The following FBXO8 variants were observed in gnomAD, a reference collection of about 807,000 sequenced individuals.
FBXO8 encodes F-box protein 8, also known as F-box only protein 8.
Under a neutral mutation model 33.4 loss-of-function variants are expected in FBXO8, and 15 were observed. The observed-to-expected ratio is 0.45, with a 90% CI of 0.30 to 0.69. The LOEUF is 0.69. FBXO8 is among the 30% of genes least tolerant of loss of function. The pLI, the probability that FBXO8 is intolerant of heterozygous loss-of-function variation, is 0.08. For synonymous variants in FBXO8, 132 were observed against 131.5 expected (o/e 1.00, Z -0.02); for missense variants, 274 against 380.3 (o/e 0.72, Z 2.32).
rs1181781469 is a variant in FBXO8, at chr4:174,253,208, G to C, written c.456+6491C>G. Reference sequence around the variant, plus strand: ...TATAAGCCTTGGCCATGTAGGCCCAGTGTGATTTTTAAAAAATTACTTTTA... The same window carrying C: ...TATAAGCCTTGGCCATGTAGGCCCACTGTGATTTTTAAAAAATTACTTTTA... On this transcript the variant is annotated intron_variant, in intron 3 of 5. Coordinates refer to ENST00000393674, the MANE Select transcript of FBXO8 (RefSeq NM_012180.3). This position sits in a 1 kb window ranked among gnomAD's most constrained non-coding sequence, Gnocchi z 4.5. Among the ~76,000 whole-genome samples the C allele has an allele frequency of 6.6e-6, 1 of 152,152 alleles. No individual in the cohort carries two copies. Among genetic ancestry groups the C allele is most frequent in the Admixed American group, 6.5e-5 (1 of 15,274 alleles).
rs1735963154 is a variant in FBXO8 at position 174,238,977 on chromosome 4, A to G, written c.772+17T>C. 1 of 1,436,496 alleles carries G rather than the reference A, an allele frequency of 7.0e-7. No homozygotes were observed. The highest frequency in any genetic ancestry group is 1.5e-5 in the African/African-American group (1 of 68,750). The allele number at this position is 1,436,496 out of a possible 1,614,324, so 89.0% of individuals were successfully genotyped here. A position where few individuals can be genotyped will look rare whatever the true frequency, so the allele number is the denominator to read the frequency against. ...GATGGGCAGGGGGTGATGTACTATT[A>G]ATATATATATTCTTACCAGGACTAA... On this transcript the variant is annotated intron_variant, in intron 5 of 5. Coordinates refer to ENST00000393674, the MANE Select transcript of FBXO8 (RefSeq NM_012180.3).
At chr4:174,279,869 T>G (rs1737038988) in intron 1 of FBXO8, among the ~76,000 whole-genome samples, 1 of 151,890 alleles carries the variant, frequency 6.6e-6, no homozygotes, top group Non-Finnish European at 1.5e-5. Flanking sequence ...AAGACTTAAA[T>G]CTAAGACATA....
chr4:174,282,414 C>T (rs1483297311), intron 1 of FBXO8, among the ~76,000 whole-genome samples: 1 of 151,816 alleles, frequency 6.6e-6, no homozygotes, highest in East Asian at 1.9e-4. Context: ...AATTTGTTAC[C>T]CAGCAATAGA....
rs1736287053 is a variant in FBXO8 at position 174,251,661 on chromosome 4, C to T, written c.456+8038G>A. 6.6e-6 allele frequency among the ~76,000 whole-genome samples: 1 copy of T among 152,126 alleles called. No individual in the cohort carries two copies. The highest frequency in any genetic ancestry group is 2.1e-4 in the South Asian group (1 of 4,822). On this transcript the variant is annotated intron_variant, in intron 3 of 5. Coordinates refer to ENST00000393674, the MANE Select transcript of FBXO8 (RefSeq NM_012180.3). The surrounding 1 kb of genome is among the most constrained non-coding windows in gnomAD (Gnocchi z 4.2). ...ATTACTCTCAAAAAAAAGAAAATCA[C>T]CTCCAGTTTAGCACCATTTGACTAA...
In FBXO8 at chr4:174,270,273, T is replaced by C. The variant is rs1736807401; in HGVS notation, c.-8-7173A>G. Among the ~76,000 whole-genome samples the C allele has an allele frequency of 6.6e-6, 1 of 152,242 alleles. No homozygotes were observed. The highest frequency in any genetic ancestry group is 1.5e-5 in the Non-Finnish European group (1 of 68,044). On this transcript the variant is annotated intron_variant, in intron 1 of 5. Coordinates refer to ENST00000393674, the MANE Select transcript of FBXO8 (RefSeq NM_012180.3). This position sits in a 1 kb window ranked among gnomAD's most constrained non-coding sequence, Gnocchi z 4.6. The stretch of plus-strand genomic sequence containing the variant: ...ACTTAACTTTCTGTTCCTAAAGTCC[T>C]ATGCTGCTGTGGCACAGTAGCTGGG...
chr4:174,269,452 G>A (rs571323505), intron 1 of FBXO8, among the ~76,000 whole-genome samples: 45 of 152,154 alleles, frequency 3.0e-4, no homozygotes, highest in Non-Finnish European at 4.9e-4. Flanking sequence ...TTGGGAGGCC[G>A]AGGCGGGCAG....
rs190270884 is a variant in FBXO8 at position 174,267,126 on chromosome 4, C to T, written c.-8-4026G>A. On this transcript the variant is annotated intron_variant, in intron 1 of 5. Transcript: ENST00000393674. The surrounding 1 kb of genome is among the most constrained non-coding windows in gnomAD (Gnocchi z 4.7). ...TTTTATATCAATGACCCAGCAACAA[C>T]AACAAAAAACTCTAGAAAACAAAAA... Among the ~76,000 whole-genome samples, 117 of 152,164 alleles carry T rather than the reference C, an allele frequency of 7.7e-4. 1 individual carries two copies. The highest frequency in any genetic ancestry group is 7.3e-3 in the Admixed American group (111 of 15,294).
rs111307500 is a variant in FBXO8, at chr4:174,280,080, T to G, written c.-9+3330A>C. On this transcript the variant is annotated intron_variant, in intron 1 of 5. Transcript: ENST00000393674. ...CAACCCACCGAATGAGAGAAAATAT[T>G]TGAAAATCATGTATCTGATAAAATC... Among the ~76,000 whole-genome samples the G allele has an allele frequency of 1.1e-3, 170 of 152,184 alleles. 1 individual carries two copies. Among genetic ancestry groups the G allele is most frequent in the African/African-American group, 4.0e-3 (167 of 41,546 alleles).
Position 174,252,368 on chromosome 4 carries a change from T to G in FBXO8, c.456+7331A>C, listed in dbSNP as rs1354109709. Reference sequence around the variant, plus strand: ...ATAGCAATAATACATCAAGATGTTTTTGGTTATAAACAACAGGAGACCTAG... The same window carrying G: ...ATAGCAATAATACATCAAGATGTTTGTGGTTATAAACAACAGGAGACCTAG... On this transcript the variant is annotated intron_variant, in intron 3 of 5. Coordinates refer to ENST00000393674, the MANE Select transcript of FBXO8 (RefSeq NM_012180.3). This position sits in a 1 kb window ranked among gnomAD's most constrained non-coding sequence, Gnocchi z 5.1. Among the ~76,000 whole-genome samples, 1 of 152,148 alleles carries G rather than the reference T, an allele frequency of 6.6e-6. No individual in the cohort carries two copies. Among genetic ancestry groups the G allele is most frequent in the African/African-American group, 2.4e-5 (1 of 41,436 alleles).
Position 174,237,548 on chromosome 4 carries a change from G to A in FBXO8, c.824C>T (p.Thr275Ile). 1 of 1,613,694 alleles carries A rather than the reference G, an allele frequency of 6.2e-7. No homozygotes were observed. Among genetic ancestry groups the A allele is most frequent in the South Asian group, 1.1e-5 (1 of 91,040 alleles). ...YSLILLSIDL[T>I]SPHVKNKMSK... is the part of the protein sequence containing the mutation. ...CATTTTATTCTTCACATGAGGGCTA[G>A]TGAGGTCAATGGAAAGTAGAATCAA... Residue 275 changes from threonine to isoleucine, a missense_variant, in exon 6 of 6, where the codon ACT becomes ATT. By Grantham distance (89) the Thr-to-Ile change is moderately conservative. Transcript: ENST00000393674. The surrounding 1 kb of genome is among the most constrained non-coding windows in gnomAD (Gnocchi z 4.4).
At chr4:174,264,850 G>GA (rs1240878275) in intron 1 of FBXO8, among the ~76,000 whole-genome samples, 1 of 148,902 alleles carries the variant, frequency 6.7e-6, no homozygotes, top group African/African-American at 2.5e-5. Context: ...CGGACCAGGA[G>GA]AAAATCTTTG....
Position 174,254,965 on chromosome 4 carries a change from A to G in FBXO8, c.456+4734T>C, listed in dbSNP as rs1736384119. Among the ~76,000 whole-genome samples the G allele has an allele frequency of 6.6e-6, 1 of 152,134 alleles. No homozygotes were observed. The highest frequency in any genetic ancestry group is 6.5e-5 in the Admixed American group (1 of 15,270). ...GGAATGTTTTTACCTTCCTCCTCCC[A>G]AAAAAGAACACCACGTCAAACAAAA... On this transcript the variant is annotated intron_variant, in intron 3 of 5. Coordinates refer to ENST00000393674, the MANE Select transcript of FBXO8 (RefSeq NM_012180.3). The surrounding 1 kb of genome is among the most constrained non-coding windows in gnomAD (Gnocchi z 4.2).
chr4:174,268,150 C>T (rs1232575751), intron 1 of FBXO8, among the ~76,000 whole-genome samples: 1 of 152,206 alleles, frequency 6.6e-6, no homozygotes, highest in Non-Finnish European at 1.5e-5. Context: ...ATTAGCAATA[C>T]TGAACCATTG....
rs1413680347 is a variant in FBXO8 at position 174,247,703 on chromosome 4, A to C, written c.457-6485T>G. ...CTGAAATGTAACATTTTCAAACTGAAGATAATGTAAAAATTAAGTGACACA... is the reference window on the plus strand; with the variant it reads ...CTGAAATGTAACATTTTCAAACTGACGATAATGTAAAAATTAAGTGACACA... On this transcript the variant is annotated intron_variant, in intron 3 of 5. Transcript: ENST00000393674. This position sits in a 1 kb window ranked among gnomAD's most constrained non-coding sequence, Gnocchi z 4.6. Among the ~76,000 whole-genome samples, 1 of 152,072 alleles carries C rather than the reference A, an allele frequency of 6.6e-6. No homozygotes were observed. The highest frequency in any genetic ancestry group is 2.4e-5 in the African/African-American group (1 of 41,434).
At chr4:174,268,594 C>T (rs113740930) in intron 1 of FBXO8, among the ~76,000 whole-genome samples, 214 of 78,712 alleles carry the variant, frequency 2.7e-3, no homozygotes, top group African/African-American at 7.5e-3. Context: ...TGCTACCACG[C>T]CCGGCTAATT....
At chr4:174,240,524 A>G (rs1736008728) in intron 4 of FBXO8, among the ~76,000 whole-genome samples, 1 of 151,808 alleles carries the variant, frequency 6.6e-6, no homozygotes, top group Non-Finnish European at 1.5e-5. Flanking sequence ...ATGTTCTTTA[A>G]TAATCAAAAG....
intron 1 of FBXO8, among the ~76,000 whole-genome samples, chr4:174,264,741 G>A (rs1365430208): frequency 6.6e-6 from 1 of 150,566 alleles, no homozygotes; most frequent in African/African-American, 2.4e-5. Flanking sequence ...TACTACACAC[G>A]ACACCATGGT....
chr4:174,274,472 T>G lies in FBXO8; in HGVS notation c.-9+8938A>C, dbSNP rs955975815. On this transcript the variant is annotated intron_variant, in intron 1 of 5. Coordinates refer to ENST00000393674, the MANE Select transcript of FBXO8 (RefSeq NM_012180.3). The surrounding 1 kb of genome is among the most constrained non-coding windows in gnomAD (Gnocchi z 4.0). ...ACCTGATAACTGTGGATTAATTACC[T>G]GAGTAGTCATAATCCTGGTCCTGAA... Among the ~76,000 whole-genome samples, 2 of 152,248 alleles carry G rather than the reference T, an allele frequency of 1.3e-5. No individual in the cohort carries two copies. The highest frequency in any genetic ancestry group is 2.9e-5 in the Non-Finnish European group (2 of 68,048).
At chr4:174,238,875 A>AG in intron 5 of FBXO8, 119 bp downstream of exon 5, 3 of 644,918 alleles carry the variant, frequency 4.7e-6, no homozygotes, top group Non-Finnish European at 2.4e-6. Flanking sequence ...AAACAGTAAA[A>AG]CAAGTATTTG....
Sources: allele counts gnomAD v4.1 joint callset (sites outside exome capture counted in the v4.1 genomes callset), GRCh38; gene constraint gnomAD v4.1.1; non-coding constraint Gnocchi (gnomAD v3.1); transcripts MANE v1.5; gene names NCBI Gene and HGNC (gene_info 2026-07-23, HGNC 2026-07-21).